The following GGA2 variants were observed in gnomAD, a reference collection of about 807,000 sequenced individuals.
The protein encoded by GGA2 is golgi associated, gamma adaptin ear containing, ARF binding protein 2.
In GGA2, 48 loss-of-function variants were observed where a neutral mutation model predicts 79.5. The ratio of observed to expected loss-of-function variants is 0.60; its 90% confidence interval spans 0.48 to 0.77. The LOEUF (loss-of-function observed/expected upper bound fraction) is 0.77, where lower values mean the gene tolerates loss of function less well. Ranked by LOEUF, GGA2 falls within the 30% of genes least tolerant of loss-of-function variation. The pLI is 0.00. For synonymous variants in GGA2, 317 were observed against 302.0 expected, an observed-to-expected ratio of 1.05 and a Z score of -0.51; for missense variants, 770 against 774.0, an observed-to-expected ratio of 0.99 and a Z score of 0.06.
intron 2 of GGA2, 56 bp from the exon 3 acceptor site, chr16:23,494,434 G>A (rs560851830): frequency 1.8e-6 from 2 of 1,103,910 alleles, no homozygotes; most frequent in African/African-American, 3.1e-5. Context: ...ACTAACCCGA[G>A]TGGCTGAGCA....
intron 4 of GGA2, among the ~76,000 whole-genome samples, 163 bp downstream of exon 4, chr16:23,493,197 G>A (rs899778089): frequency 6.6e-5 from 10 of 152,202 alleles, no homozygotes; most frequent in African/African-American, 2.2e-4. Context: ...GTCAGCTAAT[G>A]AGCAGAGCCT....
At chr16:23,505,614 C>T (rs924378808) in intron 1 of GGA2, among the ~76,000 whole-genome samples, 1 of 152,228 alleles carries the variant, frequency 6.6e-6, no homozygotes, top group East Asian at 1.9e-4. Context: ...TGGGAACAAC[C>T]CCTCTCCTCA....
chr16:23,499,365 C>T (rs370494973), intron 1 of GGA2, among the ~76,000 whole-genome samples: 6 of 152,148 alleles, frequency 3.9e-5, no homozygotes, highest in South Asian at 2.1e-4. Context: ...AGGCTAGTCT[C>T]GAACTACTGA....
intron 1 of GGA2, among the ~76,000 whole-genome samples, chr16:23,506,334 C>G (rs370865571): frequency 1.3e-5 from 2 of 152,134 alleles, no homozygotes; most frequent in African/African-American, 2.4e-5. Context: ...CTTAACCCAT[C>G]GTTCACTTCA....
intron 13 of GGA2, among the ~76,000 whole-genome samples, chr16:23,477,643 A>C (rs1365579878): frequency 6.6e-6 from 1 of 152,204 alleles, no homozygotes; most frequent in Non-Finnish European, 1.5e-5. Context: ...GCTACTCAGG[A>C]GGCTGAGGCA....
intron 2 of GGA2, among the ~76,000 whole-genome samples, chr16:23,519,256 T>G (rs1965121570): frequency 6.6e-6 from 1 of 152,180 alleles, no homozygotes; most frequent in Admixed American, 6.5e-5. Flanking sequence ...TTTTCTAGGT[T>G]GGTCTCGAAC....
At chr16:23,518,868 C>T (rs1337851023) in intron 2 of GGA2, among the ~76,000 whole-genome samples, 2 of 152,160 alleles carry the variant, frequency 1.3e-5, no homozygotes, top group African/African-American at 2.4e-5. Context: ...TACAAAAAGA[C>T]AGACTTCCTG....
Position 23,466,819 on chromosome 16 carries a change from G to A in GGA2, c.*771C>T, listed in dbSNP as rs1195805800. 1 of 152,974 alleles carries A rather than the reference G, an allele frequency of 6.5e-6. No homozygotes were observed. The highest frequency in any genetic ancestry group is 1.5e-5 in the Non-Finnish European group (1 of 68,254). The allele number at this position is 152,974 out of a possible 1,614,324, so 9.5% of individuals were successfully genotyped here. ...ATGAGGATGGAGATGAGGATCCTGA[G>A]AAGGGCCCAGACTGGCTGCCCAACC... On this transcript the variant is annotated 3_prime_UTR_variant, in exon 17 of 17. Coordinates refer to ENST00000309859, the MANE Select transcript of GGA2 (RefSeq NM_015044.4).
chr16:23,467,594 G>C lies in GGA2; in HGVS notation c.1838C>G (p.Ala613Gly). Residue 613 changes from alanine to glycine, a missense_variant, in exon 17 of 17, where the codon GCC (alanine) becomes GGC (glycine). Transcript: ENST00000309859. ...AAGGGTCCATCTTGTGAAAAGTTAG[G>C]CTGCGCCCAAGACAGCCAGGTCTGG... is the stretch of plus-strand genomic sequence containing the variant. The part of the protein sequence containing the change: ...DFPDLAVLGA[A>G] 6.6e-7 allele frequency: 1 copy of C among 1,514,742 alleles called. No homozygotes were observed. Among genetic ancestry groups the C allele is most frequent in the Non-Finnish European group, 9.2e-7 (1 of 1,090,438 alleles). 93.8% of individuals were successfully genotyped at this position (1,514,742 alleles called of 1,614,324 possible).
chr16:23,475,648 A>G (rs754939114), intron 13 of GGA2, among the ~76,000 whole-genome samples: 85 of 151,918 alleles, frequency 5.6e-4, no homozygotes, highest in Non-Finnish European at 1.1e-3. Context: ...TCACGCCTGT[A>G]ATCCCAGCAT....
At chr16:23,482,781 C>T in intron 9 of GGA2, 142 bp downstream of exon 9, 1 of 660,850 alleles carries the variant, frequency 1.5e-6, no homozygotes, top group Non-Finnish European at 2.8e-6. Flanking sequence ...TCTGAGGCAA[C>T]TCAGGCCACA....
At chr16:23,496,584 G>C (rs1277462922) in intron 1 of GGA2, among the ~76,000 whole-genome samples, 1 of 152,028 alleles carries the variant, frequency 6.6e-6, no homozygotes. Context: ...GCACTTCATG[G>C]GGCTGAGGTG....
At chr16:23,513,797 A>G (rs542838478), upstream of GGA2, among the ~76,000 whole-genome samples, 11,911 of 56,488 alleles carry the variant, frequency 0.21, 717 homozygotes, top group Non-Finnish European at 0.26. Context: ...AAAAAAAAAA[A>G]AAAGAAAGAA....
At chr16:23,514,438 G>A (rs1965092139), upstream of GGA2, among the ~76,000 whole-genome samples, 1 of 151,704 alleles carries the variant, frequency 6.6e-6, no homozygotes, top group Admixed American at 6.6e-5. Context: ...AATCTGTTAT[G>A]CTTTTCTCTT....
At chr16:23,480,914 G>A in intron 9 of GGA2, 144 bp from the exon 10 acceptor site, 1 of 739,264 alleles carries the variant, frequency 1.4e-6, no homozygotes, top group Non-Finnish European at 2.3e-6. Context: ...TGTGTCATCG[G>A]ACCCTATCAG....
chr16:23,500,714 C>G (rs1182563598), intron 1 of GGA2, among the ~76,000 whole-genome samples: 2 of 152,242 alleles, frequency 1.3e-5, no homozygotes, highest in African/African-American at 2.4e-5. Flanking sequence ...TATAACATCA[C>G]GCAGGCGGAG....
At chr16:23,518,831 C>A in intron 2 of GGA2, among the ~76,000 whole-genome samples, 1 of 152,196 alleles carries the variant, frequency 6.6e-6, no homozygotes, top group Non-Finnish European at 1.5e-5. Context: ...TACTATGTAT[C>A]TGGCAACGTG....
intron 15 of GGA2, chr16:23,469,311 G>C (rs1043140241): frequency 3.6e-6 from 1 of 276,740 alleles, no homozygotes; most frequent in Admixed American, 4.1e-5. Context: ...CTAGCTCTGT[G>C]ACCTTGAGTA....
chr16:23,500,233 G>A (rs1025498239), intron 1 of GGA2, among the ~76,000 whole-genome samples: 36 of 152,368 alleles, frequency 2.4e-4, no homozygotes, highest in East Asian at 9.7e-4. Flanking sequence ...CCCTGCCAGC[G>A]TGCCTTTGCT....
Sources: allele counts gnomAD v4.1 joint callset (sites outside exome capture counted in the v4.1 genomes callset), GRCh38; gene constraint gnomAD v4.1.1; transcripts MANE v1.5; gene names NCBI Gene and HGNC (gene_info 2026-07-23, HGNC 2026-07-21).